The following NELL1 variants were observed in gnomAD, a reference collection of about 807,000 sequenced individuals.
The protein encoded by NELL1 is protein kinase C-binding protein NELL1.
NELL1 carries 76 observed loss-of-function variants against 107.4 expected under a neutral mutation model. That is an observed-to-expected ratio of 0.71 (90% CI 0.59 to 0.86). NELL1 has a LOEUF of 0.86. Ranked by LOEUF, NELL1 falls within the 40% of genes least tolerant of loss-of-function variation. The pLI is 0.00. For missense variants in NELL1, 1,024 were observed against 1,005.5 expected (o/e 1.02, Z -0.25); for synonymous variants, 353 against 341.2 (o/e 1.03, Z -0.38).
chr11:20,948,788 C>A (rs1399330863), intron 11 of NELL1, among the ~76,000 whole-genome samples: 449 of 108,324 alleles, frequency 4.1e-3, no homozygotes, highest in African/African-American at 0.012. Flanking sequence ...AAAAAAAAAA[C>A]AGTTAAACTC....
intron 14 of NELL1, among the ~76,000 whole-genome samples, chr11:21,244,255 A>C (rs568172036): frequency 6.6e-6 from 1 of 152,318 alleles, no homozygotes; most frequent in Admixed American, 6.5e-5. Context: ...AAAACAGTTC[A>C]TGAGAGAGCA....
At chr11:21,054,818 G>A (rs1853575712) in intron 12 of NELL1, among the ~76,000 whole-genome samples, 1 of 151,860 alleles carries the variant, frequency 6.6e-6, no homozygotes, top group Non-Finnish European at 1.5e-5. Context: ...TTAAAAGATG[G>A]TCAGTTATTT....
intron 3 of NELL1, among the ~76,000 whole-genome samples, chr11:20,803,264 T>G (rs1026662943): frequency 3.9e-5 from 6 of 152,188 alleles, no homozygotes; most frequent in Non-Finnish European, 8.8e-5. Flanking sequence ...TCTGTTCATA[T>G]TTTGGGTTTC....
chr11:20,711,320 A>C (rs1855108448), intron 2 of NELL1, among the ~76,000 whole-genome samples: 3 of 152,038 alleles, frequency 2.0e-5, no homozygotes, highest in Admixed American at 2.0e-4. Flanking sequence ...TGGTTGGTAG[A>C]TTTTTATTCA....
chr11:20,830,541 T>C (rs1857987131), intron 3 of NELL1, among the ~76,000 whole-genome samples: 1 of 151,956 alleles, frequency 6.6e-6, no homozygotes, highest in Non-Finnish European at 1.5e-5. Context: ...TTTCACCATG[T>C]TGGCCAGGCT....
chr11:21,289,376 G>A (rs538372091), intron 14 of NELL1, among the ~76,000 whole-genome samples: 2 of 152,316 alleles, frequency 1.3e-5, no homozygotes, highest in African/African-American at 4.8e-5. Context: ...CCAAAGCAGG[G>A]TGGGGCGGTT....
At chr11:21,222,760 G>A (rs563452708) in intron 13 of NELL1, among the ~76,000 whole-genome samples, 51 of 152,104 alleles carry the variant, frequency 3.4e-4, no homozygotes, top group African/African-American at 1.1e-3. Flanking sequence ...GAATTTTTAT[G>A]ATTTCCATCT....
chr11:21,281,687 A>G lies in NELL1; in HGVS notation c.1549+52233A>G, dbSNP rs150640622. Among the ~76,000 whole-genome samples, 1,205 of 152,260 alleles carry G rather than the reference A, an allele frequency of 7.9e-3. 16 individuals carry two copies. The highest frequency in any genetic ancestry group is 0.024 in the Middle Eastern group (7 of 294). The stretch of plus-strand genomic sequence containing the variant: ...GGTACTTGTGTCACTCCACCCCCAG[A>G]TCCAGAGAGAGAGAGAGACTCCATT... On this transcript the variant is annotated intron_variant, in intron 14 of 19. Coordinates refer to ENST00000357134, the MANE Select transcript of NELL1 (RefSeq NM_006157.5).
intron 4 of NELL1, among the ~76,000 whole-genome samples, chr11:20,856,659 G>A (rs1416191609): frequency 6.6e-6 from 1 of 152,220 alleles, no homozygotes; most frequent in Admixed American, 6.5e-5. Flanking sequence ...CTGCTTTCCA[G>A]GTCTGATGCT....
chr11:21,090,435 T>G (rs1854495109), intron 12 of NELL1, among the ~76,000 whole-genome samples: 1 of 152,168 alleles, frequency 6.6e-6, no homozygotes, highest in Non-Finnish European at 1.5e-5. Context: ...CTATTTTGGC[T>G]CTATTAAAAA....
At chr11:21,319,324 C>A (rs1849952493) in intron 14 of NELL1, among the ~76,000 whole-genome samples, 1 of 151,434 alleles carries the variant, frequency 6.6e-6, no homozygotes, top group Admixed American at 6.6e-5. Flanking sequence ...TAGAGGTGTG[C>A]ACCACTATGC....
intron 15 of NELL1, among the ~76,000 whole-genome samples, chr11:21,455,267 A>G (rs986524155): frequency 6.8e-6 from 1 of 147,324 alleles, no homozygotes; most frequent in African/African-American, 2.5e-5. Flanking sequence ...CACATTTTAC[A>G]TAATGTGACT....
intron 13 of NELL1, among the ~76,000 whole-genome samples, chr11:21,148,891 C>T (rs1322522202): frequency 6.6e-6 from 1 of 152,106 alleles, no homozygotes; most frequent in African/African-American, 2.4e-5. Flanking sequence ...CATTGTGGTC[C>T]TGGAACATAA....
chr11:20,927,658 C>A lies in NELL1; in HGVS notation c.894+216C>A, dbSNP rs536212925. Among the ~76,000 whole-genome samples, 5 of 152,262 alleles carry A rather than the reference C, an allele frequency of 3.3e-5. No individual in the cohort carries two copies. The South Asian group carries it at 1.0e-3, about 32-fold the overall frequency. ...GGAAATTAAAATCTGCTTTCCCTTG[C>A]CAACACACCCTAATTTGATTTAATA... On this transcript the variant is annotated intron_variant, in intron 8 of 19. Coordinates refer to ENST00000357134, the MANE Select transcript of NELL1 (RefSeq NM_006157.5).
At chr11:20,763,896 G>C (rs1382999725) in intron 2 of NELL1, among the ~76,000 whole-genome samples, 1 of 152,146 alleles carries the variant, frequency 6.6e-6, no homozygotes, top group Non-Finnish European at 1.5e-5. Context: ...TGCTGGGGAG[G>C]GTCTTCAATC....
At chr11:21,572,645 CAT>C (rs1313134465) in intron 18 of NELL1, among the ~76,000 whole-genome samples, 1 of 151,834 alleles carries the variant, frequency 6.6e-6, no homozygotes, top group Non-Finnish European at 1.5e-5. Flanking sequence ...TCAGTGGTCA[CAT>C]GTTATATTCA....
chr11:21,338,407 G>T (rs1250338941), intron 14 of NELL1, among the ~76,000 whole-genome samples: 1 of 152,212 alleles, frequency 6.6e-6, no homozygotes, highest in African/African-American at 2.4e-5. Context: ...CGTGTCAGAG[G>T]TTCTCAGACT....
At chr11:21,139,456 G>A (rs1460331977) in intron 13 of NELL1, among the ~76,000 whole-genome samples, 2 of 152,132 alleles carry the variant, frequency 1.3e-5, no homozygotes, top group African/African-American at 4.8e-5. Context: ...AGTCCCTACT[G>A]TCACTTGCTT....
At chr11:21,303,686 A>G (rs1849546682) in intron 14 of NELL1, among the ~76,000 whole-genome samples, 1 of 152,112 alleles carries the variant, frequency 6.6e-6, no homozygotes, top group Non-Finnish European at 1.5e-5. Flanking sequence ...AGAAATCAAT[A>G]TACCAAAAAG....
Sources: gnomAD v4.1 joint callset for allele counts (sites outside exome capture counted in the v4.1 genomes callset) on GRCh38, gnomAD v4.1.1 for gene constraint, MANE v1.5 for transcripts, NCBI Gene and HGNC (gene_info 2026-07-23, HGNC 2026-07-21) for gene names.